Variants in FREM2 observed in about 807,000 individuals in gnomAD.
FREM2 encodes the protein FRAS1-related extracellular matrix protein 2.
Under a neutral mutation model 219.9 loss-of-function variants are expected in FREM2, and 119 were observed. That is an observed-to-expected ratio of 0.54 (90% CI 0.47 to 0.63). The LOEUF is 0.63. Ranked by LOEUF, FREM2 falls within the 30% of genes least tolerant of loss-of-function variation. The pLI is 0.00. For synonymous variants in FREM2, 1,562 were observed against 1,522.8 expected, an observed-to-expected ratio of 1.03 and a Z score of -0.60; for missense variants, 4,030 against 3,993.6, an observed-to-expected ratio of 1.01 and a Z score of -0.25.
At chr13:38,837,540 G>C (rs186163229) in intron 6 of FREM2, among the ~76,000 whole-genome samples, 2 of 152,256 alleles carry the variant, frequency 1.3e-5, no homozygotes, top group African/African-American at 4.8e-5. Context: ...GACAATGGGT[G>C]TTAAAGTCTC....
chr13:38,763,547 A>T (rs923431607), intron 2 of FREM2, among the ~76,000 whole-genome samples: 1 of 149,108 alleles, frequency 6.7e-6, no homozygotes, highest in Non-Finnish European at 1.5e-5. Flanking sequence ...CTTACTCTGA[A>T]ATAATTGGTG....
At chr13:38,804,364 T>C (rs1242291436) in intron 6 of FREM2, among the ~76,000 whole-genome samples, 1 of 150,720 alleles carries the variant, frequency 6.6e-6, no homozygotes, top group East Asian at 1.9e-4. Flanking sequence ...GATATTATAG[T>C]CTGAAAACAA....
chr13:38,855,805 C>CA (rs1473411935), intron 11 of FREM2, among the ~76,000 whole-genome samples: 5 of 151,812 alleles, frequency 3.3e-5, no homozygotes, highest in African/African-American at 1.2e-4. Flanking sequence ...ATGGGTGAAA[C>CA]AAAATCTCAG....
chr13:38,732,901 GA>G, intron 2 of FREM2, among the ~76,000 whole-genome samples: 1 of 152,280 alleles, frequency 6.6e-6, no homozygotes, highest in Non-Finnish European at 1.5e-5. Flanking sequence ...TAAATAGTGA[GA>G]AATTTTACTG....
chr13:38,847,859 A>G (rs1190708680), intron 7 of FREM2, among the ~76,000 whole-genome samples: 2 of 152,186 alleles, frequency 1.3e-5, no homozygotes, highest in Non-Finnish European at 2.9e-5. Context: ...TGGAGGTATC[A>G]ACACTAGATA....
intron 4 of FREM2, among the ~76,000 whole-genome samples, chr13:38,774,792 C>T (rs1471345570): frequency 6.6e-6 from 1 of 152,110 alleles, no homozygotes; most frequent in African/African-American, 2.4e-5. Context: ...GAGAAAACAA[C>T]CTCAAATATA....
chr13:38,757,593 T>G (rs1873064329), intron 2 of FREM2, among the ~76,000 whole-genome samples: 1 of 151,638 alleles, frequency 6.6e-6, no homozygotes, highest in Admixed American at 6.6e-5. Flanking sequence ...CCACTCCTCT[T>G]TTTTTTTCTC....
At chr13:38,833,588 A>G (rs978107181) in intron 6 of FREM2, among the ~76,000 whole-genome samples, 1 of 152,126 alleles carries the variant, frequency 6.6e-6, no homozygotes, top group East Asian at 1.9e-4. Context: ...CTCAATTTTT[A>G]GGTTCAACAT....
At chr13:38,762,023 C>A (rs1873245787) in intron 2 of FREM2, among the ~76,000 whole-genome samples, 1 of 152,126 alleles carries the variant, frequency 6.6e-6, no homozygotes, top group South Asian at 2.1e-4. Flanking sequence ...GAATAGTAGT[C>A]CAGCAGTGGG....
intron 6 of FREM2, among the ~76,000 whole-genome samples, chr13:38,845,519 A>G (rs1823591849): frequency 6.6e-6 from 1 of 152,172 alleles, no homozygotes. Context: ...GTGTACATTC[A>G]CCTGTGTCTG....
Position 38,687,339 on chromosome 13 carries a change from G to T in FREM2, c.-6G>T. 1 of 1,598,122 alleles carries T rather than the reference G, an allele frequency of 6.3e-7. No individual in the cohort carries two copies. Among genetic ancestry groups the T allele is most frequent in the East Asian group, 2.3e-5 (1 of 43,984 alleles). On this transcript the variant is annotated 5_prime_UTR_variant, in exon 1 of 24. Transcript: ENST00000280481. ...GCTGACCTGTCCAAGCCCGAACACC[G>T]GGACCATGCACTCAGCCGGGACTCC...
intron 4 of FREM2, among the ~76,000 whole-genome samples, chr13:38,771,437 G>A (rs543228494): frequency 1.3e-5 from 2 of 152,176 alleles, no homozygotes; most frequent in African/African-American, 4.8e-5. Flanking sequence ...CGTATTACCT[G>A]AAGAAATAAG....
Position 38,865,906 on chromosome 13 carries a change from T to C in FREM2, c.7983+1300T>C, listed in dbSNP as rs1481051494. ...TATAAGTGTTCATCCTGTAGATTCC[T>C]CTTTCCTAACCTGTTTTTGCCACCT... On this transcript the variant is annotated intron_variant, in intron 16 of 23. Transcript: ENST00000280481. Among the ~76,000 whole-genome samples the C allele has an allele frequency of 2.0e-5, 3 of 152,206 alleles. No homozygotes were observed. The East Asian group carries it at 5.8e-4, about 29-fold the overall frequency.
At position 38,687,935 on chromosome 13, in the gene FREM2, C is replaced by T; in HGVS notation, c.591C>T (p.Ser197=). Residue 197 remains serine, a synonymous_variant, in exon 1 of 24, where the codon AGC becomes AGT. Transcript: ENST00000280481. ...PLVVEELLGT[S]NALDARSLEF... ...TCGTGGAAGAGCTGCTGGGGACCAG[C>T]AATGCCCTGGACGCGCGGAGCCTGG... 3 of 1,604,730 alleles carry T rather than the reference C, an allele frequency of 1.9e-6. No homozygotes were observed. The highest frequency in any genetic ancestry group is 2.6e-6 in the Non-Finnish European group (3 of 1,174,852).
intron 4 of FREM2, chr13:38,779,317 C>G (rs1166470418): frequency 1.3e-5 from 2 of 151,922 alleles, no homozygotes; most frequent in Non-Finnish European, 2.9e-5. Flanking sequence ...ATAGGTGCAG[C>G]AAACCACCAT....
intron 6 of FREM2, among the ~76,000 whole-genome samples, chr13:38,832,705 A>G (rs1876557808): frequency 6.6e-6 from 1 of 152,138 alleles, no homozygotes; most frequent in African/African-American, 2.4e-5. Context: ...ACTATTTTTC[A>G]TAGTTGCTTT....
chr13:38,872,996 A>G, intron 17 of FREM2, 62 bp downstream of exon 17: 1 of 1,460,772 alleles, frequency 6.8e-7, no homozygotes, highest in Non-Finnish European at 9.5e-7. Flanking sequence ...ATTTAAGACG[A>G]TTTTTTTTTG....
chr13:38,791,585 GGA>G (rs1308423341), intron 6 of FREM2, among the ~76,000 whole-genome samples: 1 of 152,168 alleles, frequency 6.6e-6, no homozygotes, highest in Non-Finnish European at 1.5e-5. Flanking sequence ...TGGGGCAGCA[GGA>G]GAGAGTGAGA....
chr13:38,784,960 C>A, intron 6 of FREM2, 152 bp downstream of exon 6: 2 of 854,962 alleles, frequency 2.3e-6, no homozygotes, highest in Non-Finnish European at 3.5e-6. Context: ...TCAAAGTTGG[C>A]TGCATCTGTC....
Sources: allele counts gnomAD v4.1 joint callset (sites outside exome capture counted in the v4.1 genomes callset), GRCh38; gene constraint gnomAD v4.1.1; transcripts MANE v1.5; gene names NCBI Gene and HGNC (gene_info 2026-07-23, HGNC 2026-07-21).